NDUFS6: variants seen among roughly 807,000 people sequenced by gnomAD.
NDUFS6 encodes NADH dehydrogenase [ubiquinone] iron-sulfur protein 6, mitochondrial.
In NDUFS6, 14 loss-of-function variants were observed where a neutral mutation model predicts 13.2. That is an observed-to-expected ratio of 1.06 (90% CI 0.70 to 1.66). The LOEUF is 1.66. NDUFS6 is among the 40% of genes most tolerant of loss of function. The pLI, the probability that NDUFS6 is intolerant of heterozygous loss-of-function variation, is 0.00. For synonymous variants in NDUFS6, 95 were observed against 72.3 expected (o/e 1.31, Z -1.60); for missense variants, 206 against 170.8 (o/e 1.21, Z -1.15).
At chr5:1,815,502 C>A (rs1043349013) in intron 3 of NDUFS6, among the ~76,000 whole-genome samples, 1 of 152,356 alleles carries the variant, frequency 6.6e-6, no homozygotes, top group East Asian at 1.9e-4. Context: ...CGGCATGTCC[C>A]CTCCTGGGCT....
rs749321790 is a variant in NDUFS6 at position 1,814,604 on chromosome 5, C to T, written c.309+143C>T. 1.6e-6 allele frequency: 2 copies of T among 1,256,770 alleles called. No individual in the cohort carries two copies. Among genetic ancestry groups the T allele is most frequent in the Non-Finnish European group, 2.3e-6 (2 of 887,752 alleles). The allele number at this position is 1,256,770 out of a possible 1,614,324, so 77.9% of individuals were successfully genotyped here. A position where few individuals can be genotyped will look rare whatever the true frequency, so the allele number is the denominator to read the frequency against. Reference sequence around the variant, plus strand: ...ACGGGGTTCACACTGCTGGCACATTCACCCTACAGCGCCACACTACAGGGC... The same window carrying T: ...ACGGGGTTCACACTGCTGGCACATTTACCCTACAGCGCCACACTACAGGGC... On this transcript the variant is annotated intron_variant, in intron 3 of 3. Coordinates refer to ENST00000274137, the MANE Select transcript of NDUFS6 (RefSeq NM_004553.6). This position sits in a 1 kb window ranked among gnomAD's most constrained non-coding sequence, Gnocchi z 4.9.
intron 2 of NDUFS6, among the ~76,000 whole-genome samples, chr5:1,809,952 G>A (rs933101620): frequency 6.6e-6 from 1 of 152,256 alleles, no homozygotes; most frequent in Non-Finnish European, 1.5e-5. Flanking sequence ...ACTTCCTACT[G>A]TGTTTCTGGA....
chr5:1,805,415 T>C (rs1306476504), intron 2 of NDUFS6, among the ~76,000 whole-genome samples: 1 of 152,280 alleles, frequency 6.6e-6, no homozygotes, highest in African/African-American at 2.4e-5. Context: ...AGCTGGTCTT[T>C]GCAGAAAAAC....
intron 2 of NDUFS6, among the ~76,000 whole-genome samples, chr5:1,803,535 G>A (rs1228187920): frequency 6.6e-6 from 1 of 152,212 alleles, no homozygotes; most frequent in Non-Finnish European, 1.5e-5. Context: ...CACAGCATGG[G>A]TTCAGTTTTC....
At chr5:1,808,528 A>C (rs1041105565) in intron 2 of NDUFS6, among the ~76,000 whole-genome samples, 4 of 152,208 alleles carry the variant, frequency 2.6e-5, no homozygotes, top group Non-Finnish European at 5.9e-5. Context: ...CCAGGTTCAC[A>C]TGCTGGTGGC....
intron 2 of NDUFS6, among the ~76,000 whole-genome samples, chr5:1,805,323 C>CTT (rs1181015377): frequency 6.6e-6 from 1 of 152,180 alleles, no homozygotes; most frequent in Non-Finnish European, 1.5e-5. Context: ...GAGCAAGACT[C>CTT]TATCTCCAGA....
intron 2 of NDUFS6, among the ~76,000 whole-genome samples, chr5:1,806,113 A>G (rs1200349488): frequency 6.6e-6 from 1 of 152,234 alleles, no homozygotes; most frequent in African/African-American, 2.4e-5. Flanking sequence ...GTTAGTGTCT[A>G]TACACAAGGT....
At chr5:1,802,866 C>T (rs2111347228) in intron 2 of NDUFS6, among the ~76,000 whole-genome samples, 1 of 152,142 alleles carries the variant, frequency 6.6e-6, no homozygotes, top group Non-Finnish European at 1.5e-5. Context: ...CTGTGAGTGA[C>T]CACTGGAGAA....
chr5:1,805,033 T>G (rs1266347032), intron 2 of NDUFS6, among the ~76,000 whole-genome samples: 1 of 152,140 alleles, frequency 6.6e-6, no homozygotes, highest in Non-Finnish European at 1.5e-5. Context: ...AAGTAATACT[T>G]TAAGAAGTAA....
chr5:1,808,474 C>T (rs577374111), intron 2 of NDUFS6, among the ~76,000 whole-genome samples: 6 of 152,256 alleles, frequency 3.9e-5, no homozygotes, highest in South Asian at 2.1e-4. Context: ...TTTATTTATC[C>T]CAGGACCCAG....
intron 2 of NDUFS6, among the ~76,000 whole-genome samples, chr5:1,813,283 T>C (rs998709131): frequency 6.6e-6 from 1 of 152,242 alleles, no homozygotes; most frequent in African/African-American, 2.4e-5. Context: ...TCTCTTAAAG[T>C]GTTGGGAATT....
rs187737486 is a variant in NDUFS6, at chr5:1,814,381, G to A, written c.229G>A (p.Val77Met). The A allele has an allele frequency of 6.3e-5, 101 of 1,614,184 alleles. No individual in the cohort carries two copies. Among genetic ancestry groups the A allele is most frequent in the East Asian group, 4.5e-4 (20 of 44,886 alleles). ...FAIDLIAEQP[V>M]SEVETRVIAC... ...CATTGATTTGATAGCAGAGCAGCCCGTGAGCGAGGTGGAGACTCGGGTGAT... is the reference window on the plus strand; with the variant it reads ...CATTGATTTGATAGCAGAGCAGCCCATGAGCGAGGTGGAGACTCGGGTGAT... The change falls in exon 3 of 4, where the codon GTG becomes ATG. Residue 77 changes from valine (V) to methionine (M), a missense_variant. Transcript: ENST00000274137. The surrounding 1 kb of genome is among the most constrained non-coding windows in gnomAD (Gnocchi z 4.9).
rs1734283823 is a variant in NDUFS6, at chr5:1,814,896, T to TC, written c.309+436dup. Among the ~76,000 whole-genome samples, 1 of 151,970 alleles carries TC rather than the reference T, an allele frequency of 6.6e-6. No individual in the cohort carries two copies. The highest frequency in any genetic ancestry group is 2.4e-5 in the African/African-American group (1 of 41,336). Reference sequence around the variant, plus strand: ...CTCGCTCCGGGGCTTGCAGATGAGGTCTCCTCCCTGTGTCTTCACAGGGCC... The same window carrying TC: ...CTCGCTCCGGGGCTTGCAGATGAGGTCCTCCTCCCTGTGTCTTCACAGGGCC... On this transcript the variant is annotated intron_variant, in intron 3 of 3. Coordinates refer to ENST00000274137, the MANE Select transcript of NDUFS6 (RefSeq NM_004553.6). The surrounding 1 kb of genome is among the most constrained non-coding windows in gnomAD (Gnocchi z 4.9).
intron 2 of NDUFS6, among the ~76,000 whole-genome samples, chr5:1,807,331 C>T (rs539061904): frequency 5.9e-5 from 9 of 152,078 alleles, no homozygotes; most frequent in African/African-American, 2.2e-4. Context: ...TTTCAGTTTA[C>T]GAAGGTGGAA....
chr5:1,802,572 C>G (rs1734065293), intron 2 of NDUFS6, among the ~76,000 whole-genome samples, 198 bp downstream of exon 2: 1 of 152,116 alleles, frequency 6.6e-6, no homozygotes, highest in Non-Finnish European at 1.5e-5. Flanking sequence ...AAATACATAA[C>G]ATTGTAGCCG....
At chr5:1,811,100 G>A (rs1734211829) in intron 2 of NDUFS6, among the ~76,000 whole-genome samples, 1 of 152,090 alleles carries the variant, frequency 6.6e-6, no homozygotes, top group Non-Finnish European at 1.5e-5. Flanking sequence ...TTCCTTCATT[G>A]CATTTTCTTC....
Position 1,802,390 on chromosome 5 carries a change from A to T in NDUFS6, c.186+16A>T. On this transcript the variant is annotated intron_variant, in intron 2 of 3. Transcript: ENST00000274137. ...TCAGAAAGAGGTGAGTAAAAAATCTAGTGAAGAGAGGTAAGCTTTCCTAAA... is the reference window on the plus strand; with the variant it reads ...TCAGAAAGAGGTGAGTAAAAAATCTTGTGAAGAGAGGTAAGCTTTCCTAAA... The T allele has an allele frequency of 6.2e-7, 1 of 1,609,822 alleles. No individual in the cohort carries two copies. The highest frequency in any genetic ancestry group is 8.5e-7 in the Non-Finnish European group (1 of 1,176,176).
chr5:1,813,693 T>A (rs1734256078), intron 2 of NDUFS6, among the ~76,000 whole-genome samples: 1 of 152,178 alleles, frequency 6.6e-6, no homozygotes, highest in South Asian at 2.1e-4. Context: ...CACATGCCTA[T>A]GAGTCATAAA....
At chr5:1,808,797 G>A (rs1734167019) in intron 2 of NDUFS6, among the ~76,000 whole-genome samples, 1 of 152,222 alleles carries the variant, frequency 6.6e-6, no homozygotes, top group Admixed American at 6.5e-5. Flanking sequence ...AGTTTTGCCT[G>A]TGATTTAAGA....
Sources: allele counts gnomAD v4.1 joint callset (sites outside exome capture counted in the v4.1 genomes callset), GRCh38; gene constraint gnomAD v4.1.1; non-coding constraint Gnocchi (gnomAD v3.1); transcripts MANE v1.5; gene names NCBI Gene and HGNC (gene_info 2026-07-23, HGNC 2026-07-21).